Variants in DUOX2 observed in about 807,000 individuals in gnomAD.
DUOX2 encodes NADH/NADPH thyroid oxidase p138-tox.
DUOX2 carries 185 observed loss-of-function variants against 183.3 expected under a neutral mutation model. That is an observed-to-expected ratio of 1.01 (90% CI 0.90 to 1.14). The LOEUF (loss-of-function observed/expected upper bound fraction) is 1.14, where lower values mean the gene tolerates loss of function less well. DUOX2 is among the 50% of genes most tolerant of loss of function. The pLI is 0.00. For synonymous variants in DUOX2, 788 were observed against 812.4 expected (o/e 0.97, Z 0.51); for missense variants, 1,999 against 2,022.9 (o/e 0.99, Z 0.23).
chr15:45,099,306 G>T, intron 26 of DUOX2, 77 bp downstream of exon 26: 1 of 1,382,922 alleles, frequency 7.2e-7, no homozygotes, highest in Non-Finnish European at 1.0e-6. Flanking sequence ...CACCGCGCCC[G>T]GCCTGCCTAT....
intron 18 of DUOX2, 32 bp from the exon 19 acceptor site, chr15:45,104,397 G>C: frequency 6.2e-7 from 1 of 1,606,222 alleles, no homozygotes; most frequent in Non-Finnish European, 8.5e-7. Flanking sequence ...GGGAGGGAAA[G>C]AGAAGGAGGT....
chr15:45,100,368 G>C (rs1894048941), intron 23 of DUOX2, 140 bp from the exon 24 acceptor site: 1 of 752,814 alleles, frequency 1.3e-6, no homozygotes, highest in Non-Finnish European at 2.1e-6. Context: ...GCAATCTGGG[G>C]GCTTCTTCCT....
chr15:45,094,221 C>T lies in DUOX2; in HGVS notation c.4576G>A (p.Val1526Ile). Residue 1526 changes from valine (V) to isoleucine (I), a missense_variant, in exon 34 of 34, where the codon GTA (valine) becomes ATA (isoleucine). Val to Ile is a conservative substitution (Grantham distance 29). This residue lies in a region of DUOX2 where 1,628 missense variants were observed against 1,608.6 expected (regional missense o/e 1.01). Coordinates refer to ENST00000389039, the MANE Select transcript of DUOX2 (RefSeq NM_001363711.2). ...SCGPPGMTKNVEKACQLVNRQ... is the reference protein window; with the variant it reads ...SCGPPGMTKNIEKACQLVNRQ... ...TTGACGAGCTGACAGGCCTTCTCTACATTCTTGGTCATTCCTGGAGGGCCG... is the reference window on the plus strand; with the variant it reads ...TTGACGAGCTGACAGGCCTTCTCTATATTCTTGGTCATTCCTGGAGGGCCG... 6.2e-7 allele frequency: 1 copy of T among 1,614,128 alleles called. No homozygotes were observed. Among genetic ancestry groups the T allele is most frequent in the Non-Finnish European group, 8.5e-7 (1 of 1,180,034 alleles).
intron 23 of DUOX2, 104 bp downstream of exon 23, chr15:45,100,651 A>T: frequency 1.0e-6 from 1 of 966,962 alleles, no homozygotes; most frequent in Non-Finnish European, 1.7e-6. Context: ...ATGGAATGAG[A>T]CTCAGGATGG....
At position 45,097,741 on chromosome 15, in the gene DUOX2, C is replaced by T. The variant is rs1341543810; in HGVS notation, c.3566G>A (p.Gly1189Asp). ...CAGGAGCAGAAGCACACCTGTCATACCTGGGGGCAGGAAGACAGGGCCAGT... is the reference window on the plus strand; with the variant it reads ...CAGGAGCAGAAGCACACCTGTCATATCTGGGGGCAGGAAGACAGGGCCAGT... ...FYWWFFQTVP[G>D]MTGVLLLLVL... The change falls in exon 28 of 34, where the codon GGT (glycine) becomes GAT (aspartate). Residue 1189 changes from glycine to aspartate, a missense_variant and splice_region_variant. Gly to Asp is a moderately conservative substitution (Grantham distance 94, BLOSUM62 -1). Coordinates refer to ENST00000389039, the MANE Select transcript of DUOX2 (RefSeq NM_001363711.2). 6.2e-7 allele frequency: 1 copy of T among 1,614,222 alleles called. No individual in the cohort carries two copies. Among genetic ancestry groups the T allele is most frequent in the South Asian group, 1.1e-5 (1 of 91,086 alleles).
chr15:45,112,064 C>T, intron 4 of DUOX2, 109 bp from the exon 5 acceptor site: 7 of 1,335,340 alleles, frequency 5.2e-6, no homozygotes, highest in South Asian at 1.3e-5. Flanking sequence ...GGTCCCAGTG[C>T]CAGCTCCGCC....
chr15:45,094,528 G>A lies in DUOX2; in HGVS notation c.4524+35C>T, dbSNP rs1277196463. The A allele has an allele frequency of 1.9e-6, 3 of 1,595,540 alleles. No individual in the cohort carries two copies. The South Asian group carries it at 3.4e-5, about 18-fold the overall frequency. On this transcript the variant is annotated intron_variant, in intron 33 of 33. Transcript: ENST00000389039. ...GGCCAGGATGTCCTGGCAGGAGAAGGCCAGAGTCCCAGGGTGGGAGGGAGT... is the reference window on the plus strand; with the variant it reads ...GGCCAGGATGTCCTGGCAGGAGAAGACCAGAGTCCCAGGGTGGGAGGGAGT...
chr15:45,094,605 G>A lies in DUOX2; in HGVS notation c.4482C>T (p.Pro1494=), dbSNP rs1228427422. The change falls in exon 33 of 34, where the codon CCC becomes CCT. Residue 1494 remains proline (P), a synonymous_variant. Transcript: ENST00000389039. The stretch of plus-strand genomic sequence containing the variant: ...GCAGGGAGTTGAAGAAGGGCTCGAA[G>A]GGGGGACGGCCAAAGTGGGTGATGG... ...LRSITHFGRP[P]FEPFFNSLQE... is the part of the protein sequence containing the mutation. 2.5e-6 allele frequency: 4 copies of A among 1,613,972 alleles called. No individual in the cohort carries two copies. Among genetic ancestry groups the A allele is most frequent in the East Asian group, 2.2e-5 (1 of 44,872 alleles).
At position 45,099,661 on chromosome 15, in the gene DUOX2, C is replaced by T. The variant is rs941026356; in HGVS notation, c.3415+1G>A. 1.4e-5 allele frequency: 22 copies of T among 1,614,154 alleles called. No homozygotes were observed. Among genetic ancestry groups the T allele is most frequent in the Non-Finnish European group, 1.9e-5 (22 of 1,179,998 alleles). On this transcript the variant is annotated splice_donor_variant, in intron 25 of 33. Coordinates refer to ENST00000389039, the MANE Select transcript of DUOX2 (RefSeq NM_001363711.2). LOFTEE classifies it high-confidence loss of function. ...GAGGAAGAAGCCTGGGAGTCACGTACTGGCCAGGACAACAGCAGCCATGGC... is the reference window on the plus strand; with the variant it reads ...GAGGAAGAAGCCTGGGAGTCACGTATTGGCCAGGACAACAGCAGCCATGGC...
Position 45,109,516 on chromosome 15 carries a change from G to T in DUOX2, c.1234+8C>A. 1 of 1,613,878 alleles carries T rather than the reference G, an allele frequency of 6.2e-7. No individual in the cohort carries two copies. Among genetic ancestry groups the T allele is most frequent in the South Asian group, 1.1e-5 (1 of 91,062 alleles). On this transcript the variant is annotated splice_region_variant and intron_variant, in intron 11 of 33. Coordinates refer to ENST00000389039, the MANE Select transcript of DUOX2 (RefSeq NM_001363711.2). Reference sequence around the variant, plus strand: ...CTTACCATCCACCCCTTCTGGCTCTGAGCTCACCCCTCAGATCTTCAACCA... The same window carrying T: ...CTTACCATCCACCCCTTCTGGCTCTTAGCTCACCCCTCAGATCTTCAACCA...
intron 21 of DUOX2, 155 bp downstream of exon 21, chr15:45,101,638 C>T: frequency 6.4e-6 from 6 of 939,926 alleles, no homozygotes; most frequent in East Asian, 2.6e-5. Flanking sequence ...AGGCAACTTG[C>T]ACACCTACAT....
intron 33 of DUOX2, 41 bp downstream of exon 33, chr15:45,094,522 G>C (rs773746848): frequency 3.1e-6 from 5 of 1,589,510 alleles, no homozygotes; most frequent in Non-Finnish European, 4.3e-6. Context: ...GTCCTGGCAG[G>C]AGAAGGCCAG....
intron 13 of DUOX2, 84 bp downstream of exon 13, chr15:45,107,963 T>G: frequency 6.6e-7 from 1 of 1,525,212 alleles, no homozygotes; most frequent in Non-Finnish European, 9.1e-7. Context: ...AATCAAGGGC[T>G]CATAGGGGCT....
intron 1 of DUOX2, among the ~76,000 whole-genome samples, chr15:45,113,730 C>G (rs923330553): frequency 6.6e-6 from 1 of 152,170 alleles, no homozygotes; most frequent in South Asian, 2.1e-4. Flanking sequence ...CAGGGCAGGA[C>G]TGGTCAAGCC....
At chr15:45,110,583 T>A in intron 8 of DUOX2, 59 bp from the exon 9 acceptor site, 1 of 1,613,876 alleles carries the variant, frequency 6.2e-7, no homozygotes, top group Non-Finnish European at 8.5e-7. Context: ...CATCCTCCCA[T>A]CACAGGCACC....
Position 45,099,653 on chromosome 15 carries a change from G to T in DUOX2, c.3415+9C>A, listed in dbSNP as rs201877498. ...GCAGCAAAGAGGAAGAAGCCTGGGA[G>T]TCACGTACTGGCCAGGACAACAGCA... On this transcript the variant is annotated intron_variant, in intron 25 of 33. Coordinates refer to ENST00000389039, the MANE Select transcript of DUOX2 (RefSeq NM_001363711.2). 26 of 1,614,062 alleles carry T rather than the reference G, an allele frequency of 1.6e-5. No individual in the cohort carries two copies. The Admixed American group carries it at 2.8e-4, about 18-fold the overall frequency.
Position 45,106,837 on chromosome 15 carries a change from G to T in DUOX2, c.1826C>A (p.Pro609His), listed in dbSNP as rs1469343147. The change falls in exon 15 of 34, where the codon CCC becomes CAC. Residue 609 changes from proline to histidine, a missense_variant. Pro to His is a moderately conservative substitution (Grantham distance 77). Transcript: ENST00000389039. Reference sequence around the variant, plus strand: ...GAGGCTGCCTAAGAGCTCACCTAAGGGAAGGCAGCAGAGAGCAATGATGGT... The same window carrying T: ...GAGGCTGCCTAAGAGCTCACCTAAGTGAAGGCAGCAGAGAGCAATGATGGT... ...AITIIALCCLPLVSLLLSGVV... is the reference protein window; with the variant it reads ...AITIIALCCLHLVSLLLSGVV... The T allele has an allele frequency of 1.3e-6, 2 of 1,595,904 alleles. No individual in the cohort carries two copies. Among genetic ancestry groups the T allele is most frequent in the South Asian group, 2.3e-5 (2 of 88,062 alleles).
Position 45,097,444 on chromosome 15 carries a change from C to T in DUOX2, c.3694-53G>A, listed in dbSNP as rs549283819. ...CAGGCCCAGCCAGGCCCCTGCCCGG[C>T]ATCCCCTCTTGCCCAGGCACTAGGC... On this transcript the variant is annotated intron_variant, in intron 28 of 33. Coordinates refer to ENST00000389039, the MANE Select transcript of DUOX2 (RefSeq NM_001363711.2). 2.9e-5 allele frequency: 46 copies of T among 1,614,028 alleles called. No homozygotes were observed. The Admixed American group carries it at 7.5e-4, about 26-fold the overall frequency.
chr15:45,100,222 T>C lies in DUOX2; in HGVS notation c.3012A>G (p.Ala1004=), dbSNP rs752707608. The C allele has an allele frequency of 1.2e-6, 2 of 1,613,398 alleles. No homozygotes were observed. The highest frequency in any genetic ancestry group is 8.5e-7 in the Non-Finnish European group (1 of 1,179,868). The change falls in exon 24 of 34, where the codon GCA becomes GCG. Residue 1004 remains alanine (A), a synonymous_variant. Coordinates refer to ENST00000389039, the MANE Select transcript of DUOX2 (RefSeq NM_001363711.2). ...GLKKRFGKKA[A]VPTPRLYTEA... is the part of the protein sequence containing the mutation. ...CTGTGTACAGCCGGGGAGTGGGCAC[T>C]GCTGCCCTATAGCAAGGGGAGGCAG...
Sources: gnomAD v4.1 joint callset for allele counts (sites outside exome capture counted in the v4.1 genomes callset) on GRCh38, gnomAD v4.1.1 for gene constraint, gnomAD v4.1.1 regional missense constraint, MANE v1.5 for transcripts, NCBI Gene and HGNC (gene_info 2026-07-23, HGNC 2026-07-21) for gene names.